Variants in RRAS2 observed in about 807,000 individuals in gnomAD.
The protein encoded by RRAS2 is RAS related 2.
Under a neutral mutation model 27.6 loss-of-function variants are expected in RRAS2, and 7 were observed. The observed-to-expected ratio is 0.25, with a 90% CI of 0.14 to 0.48. RRAS2 has a LOEUF of 0.48. RRAS2 is among the 20% of genes least tolerant of loss of function. The pLI is 0.99. For missense variants in RRAS2, 178 were observed against 256.2 expected, an observed-to-expected ratio of 0.69 and a Z score of 2.08; for synonymous variants, 86 against 90.9, an observed-to-expected ratio of 0.95 and a Z score of 0.31.
chr11:14,288,067 A>G (rs1295611547), intron 4 of RRAS2, among the ~76,000 whole-genome samples: 1 of 151,982 alleles, frequency 6.6e-6, no homozygotes, highest in East Asian at 1.9e-4. Context: ...TGAAGACTCA[A>G]CCTCCCAGTC....
rs1455653644 is a variant in RRAS2 at position 14,278,638 on chromosome 11, AAG to A, written c.*697_*698del. On this transcript the variant is annotated 3_prime_UTR_variant, in exon 6 of 6. Coordinates refer to ENST00000256196, the MANE Select transcript of RRAS2 (RefSeq NM_012250.6). ...TTTTACCCTTAGCGTGGCTGTGAAA[AAG>A]AGTTAAATTAAAAAATCAAGTACAC... The A allele has an allele frequency of 4.1e-4, 62 of 152,232 alleles. 1 individual carries two copies. The highest frequency in any genetic ancestry group is 1.5e-3 in the African/African-American group (61 of 41,462). The allele number at this position is 152,232 out of a possible 1,614,324, so 9.4% of individuals were successfully genotyped here. A position where few individuals can be genotyped will look rare whatever the true frequency, so the allele number is the denominator to read the frequency against.
chr11:14,355,736 C>G (rs1849057480), intron 1 of RRAS2, among the ~76,000 whole-genome samples: 1 of 152,042 alleles, frequency 6.6e-6, no homozygotes, highest in Non-Finnish European at 1.5e-5. Flanking sequence ...ATTGTAAAAA[C>G]AGTCTGGTGT....
chr11:14,280,005 T>C (rs1429746850), intron 5 of RRAS2, among the ~76,000 whole-genome samples: 1 of 152,180 alleles, frequency 6.6e-6, no homozygotes, highest in Non-Finnish European at 1.5e-5. Context: ...GAATTACTGA[T>C]GGGTAAGGAG....
chr11:14,284,025 T>C (rs1369800689), intron 4 of RRAS2, among the ~76,000 whole-genome samples: 2 of 152,094 alleles, frequency 1.3e-5, no homozygotes, highest in African/African-American at 4.8e-5. Flanking sequence ...ATGGTTTTAC[T>C]ATTTTCCATT....
chr11:14,330,146 T>C (rs1400266167), intron 1 of RRAS2, among the ~76,000 whole-genome samples: 5 of 152,252 alleles, frequency 3.3e-5, no homozygotes, highest in Non-Finnish European at 7.3e-5. Flanking sequence ...GTAATGTGAA[T>C]GTGTTCATTA....
chr11:14,317,805 C>T (rs1311784246), intron 1 of RRAS2, among the ~76,000 whole-genome samples: 1 of 152,122 alleles, frequency 6.6e-6, no homozygotes, highest in Non-Finnish European at 1.5e-5. Context: ...GTGGCTCATA[C>T]CTGTAATCTC....
intron 1 of RRAS2, among the ~76,000 whole-genome samples, chr11:14,313,415 A>C (rs1379494626): frequency 8.5e-5 from 13 of 152,266 alleles, no homozygotes; most frequent in African/African-American, 3.1e-4. Context: ...GTACTTTCAT[A>C]GTGCTTATTT....
rs1363008059 is a variant in RRAS2, at chr11:14,356,868, A to G, written c.108+1895T>C. On this transcript the variant is annotated intron_variant, in intron 1 of 5. Transcript: ENST00000256196. ...CCAGGCACAATCTCGGCTCACTACA[A>G]TCTCCGCCTCCCGGGTTCAAGCGAT... 1.3e-5 allele frequency: 5 copies of G among 399,926 alleles called. No individual in the cohort carries two copies. In the East Asian group the frequency reaches 2.9e-4, roughly 24 times the overall value. 24.8% of individuals were successfully genotyped at this position (399,926 alleles called of 1,614,324 possible).
At chr11:14,283,189 C>CT (rs1849585410) in intron 4 of RRAS2, among the ~76,000 whole-genome samples, 1 of 152,266 alleles carries the variant, frequency 6.6e-6, no homozygotes, top group East Asian at 1.9e-4. Context: ...ATGATTTCTC[C>CT]TTTTTAGACT....
chr11:14,284,339 C>G (rs555502878), intron 4 of RRAS2, among the ~76,000 whole-genome samples: 1 of 151,998 alleles, frequency 6.6e-6, no homozygotes, highest in Non-Finnish European at 1.5e-5. Context: ...TCCTAGATAC[C>G]TCTCTGTTAT....
intron 1 of RRAS2, among the ~76,000 whole-genome samples, chr11:14,308,854 A>G (rs1847890958): frequency 6.6e-6 from 1 of 152,220 alleles, no homozygotes; most frequent in Admixed American, 6.5e-5. Flanking sequence ...AGGCAGTCAG[A>G]CCTACATACC....
At chr11:14,282,950 T>A (rs1849579573) in intron 4 of RRAS2, among the ~76,000 whole-genome samples, 1 of 152,202 alleles carries the variant, frequency 6.6e-6, no homozygotes, top group African/African-American at 2.4e-5. Context: ...ACCTAGAACC[T>A]CCAGTACAAT....
At chr11:14,342,770 T>C (rs1848743469) in intron 1 of RRAS2, among the ~76,000 whole-genome samples, 1 of 152,242 alleles carries the variant, frequency 6.6e-6, no homozygotes, top group African/African-American at 2.4e-5. Context: ...GGGACATAAT[T>C]AATGTATGGT....
chr11:14,294,594 AT>A lies in RRAS2; in HGVS notation c.300-16del, dbSNP rs1302867686. ...TTTCTTCAAAACTTAAAAAAAAAAAATCAAAAACAAATTAATCAATTTGGTC... is the reference window on the plus strand; with the variant it reads ...TTTCTTCAAAACTTAAAAAAAAAAAACAAAAACAAATTAATCAATTTGGTC... On this transcript the variant is annotated splice_polypyrimidine_tract_variant and intron_variant, in intron 3 of 5. Coordinates refer to ENST00000256196, the MANE Select transcript of RRAS2 (RefSeq NM_012250.6). 5 of 1,531,980 alleles carry A rather than the reference AT, an allele frequency of 3.3e-6. No individual in the cohort carries two copies. Among genetic ancestry groups the A allele is most frequent in the African/African-American group, 1.4e-5 (1 of 71,702 alleles). 94.9% of individuals were successfully genotyped at this position (1,531,980 alleles called of 1,614,324 possible). A position where few individuals can be genotyped will look rare whatever the true frequency, so the allele number is the denominator to read the frequency against.
At chr11:14,330,602 T>C (rs1233839797) in intron 1 of RRAS2, among the ~76,000 whole-genome samples, 4 of 152,192 alleles carry the variant, frequency 2.6e-5, no homozygotes, top group Non-Finnish European at 4.4e-5. Flanking sequence ...GTCTTTATCA[T>C]TTCAGATTCC....
chr11:14,294,530 G>A lies in RRAS2; in HGVS notation c.349C>T (p.Arg117Cys), dbSNP rs782490571. Reference protein sequence around the residue: ...FQRQILRVKDRDEFPMILIGN... With the variant: ...FQRQILRVKDCDEFPMILIGN... ...ATTAAAATCATTGGGAACTCATCAC[G>A]ATCCTTTACTCTGAGAATCTGTCTT... is the stretch of plus-strand genomic sequence containing the variant. The change falls in exon 4 of 6, where the codon CGT (arginine) becomes TGT (cysteine). Residue 117 changes from arginine (R) to cysteine (C), a missense_variant. Arg to Cys is a radical substitution (Grantham distance 180). Coordinates refer to ENST00000256196, the MANE Select transcript of RRAS2 (RefSeq NM_012250.6). 34 of 1,599,114 alleles carry A rather than the reference G, an allele frequency of 2.1e-5. No homozygotes were observed. Among genetic ancestry groups the A allele is most frequent in the Middle Eastern group, 1.7e-4 (1 of 5,974 alleles).
At chr11:14,294,705 A>ATT in intron 3 of RRAS2, 55 bp downstream of exon 3, 1 of 1,559,586 alleles carries the variant, frequency 6.4e-7, no homozygotes, top group Non-Finnish European at 8.8e-7. Context: ...CAAACTCAAT[A>ATT]AAGTCTAGTG....
At chr11:14,317,584 A>G (rs1289711369) in intron 1 of RRAS2, among the ~76,000 whole-genome samples, 4 of 152,238 alleles carry the variant, frequency 2.6e-5, no homozygotes, top group Non-Finnish European at 4.4e-5. Flanking sequence ...CCATCCCAAA[A>G]TAAAATAAAA....
At chr11:14,303,457 C>A (rs1221808835) in intron 1 of RRAS2, among the ~76,000 whole-genome samples, 5 of 152,114 alleles carry the variant, frequency 3.3e-5, no homozygotes, top group Non-Finnish European at 7.3e-5. Context: ...TATATTTAGG[C>A]CAAACACAAC....
Sources: allele counts gnomAD v4.1 joint callset (sites outside exome capture counted in the v4.1 genomes callset), GRCh38; gene constraint gnomAD v4.1.1; transcripts MANE v1.5; gene names NCBI Gene and HGNC (gene_info 2026-07-23, HGNC 2026-07-21).